ADD1: variants seen among roughly 807,000 people sequenced by gnomAD.
ADD1 encodes adducin 1.
ADD1 carries 24 observed loss-of-function variants against 80.5 expected under a neutral mutation model. That is an observed-to-expected ratio of 0.30 (90% CI 0.22 to 0.42). The LOEUF is 0.42. Among genes scored for constraint, ADD1 ranks in the 10% least tolerant of loss-of-function variants. The probability of loss-of-function intolerance (pLI) is 1.00; values close to 1 mark genes in which losing one functional copy is unlikely to be tolerated. For missense variants in ADD1, 948 were observed against 1,019.0 expected, an observed-to-expected ratio of 0.93 and a Z score of 0.95; for synonymous variants, 373 against 393.8, an observed-to-expected ratio of 0.95 and a Z score of 0.63.
intron 14 of ADD1, among the ~76,000 whole-genome samples, chr4:2,915,756 G>C (rs1043558451): frequency 1.3e-5 from 2 of 152,156 alleles, no homozygotes; most frequent in Non-Finnish European, 2.9e-5. Context: ...CCCGGGGGGC[G>C]GAGGTTGCGG....
chr4:2,895,922 C>G (rs568560363), intron 6 of ADD1, among the ~76,000 whole-genome samples: 2 of 149,824 alleles, frequency 1.3e-5, no homozygotes, highest in East Asian at 2.0e-4. Context: ...GAGTCTCGCT[C>G]TGTCATCCAG....
chr4:2,905,318 A>C (rs1188758083), intron 10 of ADD1: 1 of 589,410 alleles, frequency 1.7e-6, no homozygotes, highest in African/African-American at 1.9e-5. Context: ...GATGTAATGT[A>C]ACTCCGCAGT....
At chr4:2,876,422 C>G in intron 2 of ADD1, 1 of 178,328 alleles carries the variant, frequency 5.6e-6, no homozygotes, top group Non-Finnish European at 1.2e-5. Flanking sequence ...CTAGCTTAGG[C>G]TGGGTGCGTC....
chr4:2,876,787 C>T (rs937450321), intron 2 of ADD1, among the ~76,000 whole-genome samples: 1 of 150,126 alleles, frequency 6.7e-6, no homozygotes, highest in Admixed American at 6.6e-5. Flanking sequence ...TGCAGTAAGC[C>T]GAGATCATGC....
intron 14 of ADD1, among the ~76,000 whole-genome samples, chr4:2,916,851 C>G (rs1033349705): frequency 6.6e-6 from 1 of 152,232 alleles, no homozygotes; most frequent in Non-Finnish European, 1.5e-5. Flanking sequence ...CATATCCCTG[C>G]AAAGGACATG....
intron 15 of ADD1, 63 bp from the exon 16 acceptor site, chr4:2,928,108 C>A: frequency 6.8e-7 from 1 of 1,465,124 alleles, no homozygotes; most frequent in Non-Finnish European, 9.4e-7. Context: ...GCTCCCCCAT[C>A]TCAAGCTGCC....
chr4:2,898,406 C>T, intron 7 of ADD1, 27 bp from the exon 8 acceptor site: 3 of 1,613,956 alleles, frequency 1.9e-6, no homozygotes, highest in Middle Eastern at 1.6e-4. Flanking sequence ...CTGCCCAGCT[C>T]CACAGAGCAT....
chr4:2,860,925 A>G (rs1467774914), intron 1 of ADD1, among the ~76,000 whole-genome samples: 7 of 152,192 alleles, frequency 4.6e-5, no homozygotes, highest in Admixed American at 4.6e-4. Context: ...TAGTGATGGT[A>G]AGTACTTTGA....
chr4:2,862,871 C>T (rs1577461340), intron 1 of ADD1, among the ~76,000 whole-genome samples: 12 of 152,200 alleles, frequency 7.9e-5, no homozygotes, highest in Admixed American at 7.9e-4. Context: ...ATAGCAGCCT[C>T]ACAGTTAGTG....
intron 6 of ADD1, among the ~76,000 whole-genome samples, chr4:2,895,484 T>C (rs1735036288): frequency 1.3e-5 from 2 of 151,620 alleles, no homozygotes; most frequent in South Asian, 4.2e-4. Flanking sequence ...GTGAGGACAG[T>C]CTGTGGGGAC....
rs1254210268 is a variant in ADD1, at chr4:2,914,871, C to T, written c.1792-13C>T. ...CCGGGCTCCTGCAGACCAGATGTGC[C>T]TTTCATCCACAGGGAGAGCTGGTGA... is the stretch of plus-strand genomic sequence containing the variant. On this transcript the variant is annotated splice_polypyrimidine_tract_variant and intron_variant, in intron 13 of 15. Transcript: ENST00000683351. 6.2e-7 allele frequency: 1 copy of T among 1,602,816 alleles called. No homozygotes were observed. Among genetic ancestry groups the T allele is most frequent in the East Asian group, 2.2e-5 (1 of 44,590 alleles).
rs1560211863 is a variant in ADD1, at chr4:2,898,338, A to ATCT, written c.885+12_885+14dup. 6.2e-6 allele frequency: 10 copies of ATCT among 1,614,232 alleles called. No homozygotes were observed. Among genetic ancestry groups the ATCT allele is most frequent in the Non-Finnish European group, 8.5e-6 (10 of 1,180,040 alleles). On this transcript the variant is annotated intron_variant, in intron 7 of 15. Coordinates refer to ENST00000683351, the MANE Select transcript of ADD1 (RefSeq NM_001354761.2). ...GGGCCTAAAAGCAAGGTCAGTAGGCATCTAATCTGGTATTTAAATTACAGC... is the reference window on the plus strand; with the variant it reads ...GGGCCTAAAAGCAAGGTCAGTAGGCATCTTCTAATCTGGTATTTAAATTACAGC...
At chr4:2,863,208 G>C (rs1200265392) in intron 1 of ADD1, among the ~76,000 whole-genome samples, 4 of 144,010 alleles carry the variant, frequency 2.8e-5, no homozygotes, top group African/African-American at 1.0e-4. Flanking sequence ...ACCACGCCCA[G>C]CTAATTTTTA....
chr4:2,920,556 T>C (rs551598455), intron 14 of ADD1, among the ~76,000 whole-genome samples: 26 of 152,236 alleles, frequency 1.7e-4, no homozygotes, highest in Non-Finnish European at 3.2e-4. Flanking sequence ...GTTCTTGTTG[T>C]TGCATTGATC....
chr4:2,914,224 A>G (rs1424460183), intron 13 of ADD1, among the ~76,000 whole-genome samples: 1 of 151,982 alleles, frequency 6.6e-6, no homozygotes, highest in Non-Finnish European at 1.5e-5. Flanking sequence ...TGCAGGCTCC[A>G]CCTCCTGCTT....
intron 15 of ADD1, among the ~76,000 whole-genome samples, chr4:2,927,332 G>C (rs1460330442): frequency 6.6e-6 from 1 of 152,202 alleles, no homozygotes. Flanking sequence ...GGTGCTTCCA[G>C]CTTCCCAAAG....
chr4:2,846,773 C>G (rs1726258814), intron 1 of ADD1, among the ~76,000 whole-genome samples: 1 of 147,030 alleles, frequency 6.8e-6, no homozygotes, highest in African/African-American at 2.6e-5. Context: ...GAGGTCGAGG[C>G]TACAGTGAGC....
At chr4:2,928,014 G>A (rs899044473) in intron 15 of ADD1, among the ~76,000 whole-genome samples, 157 bp from the exon 16 acceptor site, 2 of 152,088 alleles carry the variant, frequency 1.3e-5, no homozygotes, top group South Asian at 2.1e-4. Context: ...CCATCCAGCC[G>A]TACAGTAGAG....
intron 13 of ADD1, among the ~76,000 whole-genome samples, chr4:2,909,683 G>A (rs997891685): frequency 3.3e-5 from 5 of 152,124 alleles, no homozygotes; most frequent in African/African-American, 1.2e-4. Context: ...TCTGAGCAAC[G>A]TGGTGCATTT....
Sources: allele counts gnomAD v4.1 joint callset (sites outside exome capture counted in the v4.1 genomes callset), GRCh38; gene constraint gnomAD v4.1.1; transcripts MANE v1.5; gene names NCBI Gene and HGNC (gene_info 2026-07-23, HGNC 2026-07-21).